Variants in STPG4 observed in about 807,000 individuals in gnomAD.
STPG4 encodes protein STPG4.
In STPG4, 41 loss-of-function variants were observed where a neutral mutation model predicts 31.5. The observed-to-expected ratio is 1.30, with a 90% CI of 1.01 to 1.69. STPG4 has a LOEUF of 1.69. Ranked by LOEUF, STPG4 falls within the 40% of genes most tolerant of loss-of-function variation. STPG4 has a pLI of 0.00. For missense variants in STPG4, 375 were observed against 293.4 expected (o/e 1.28, Z -2.03); for synonymous variants, 141 against 103.0 (o/e 1.37, Z -2.24).
At chr2:47,139,746 A>G (rs1686667357) in intron 3 of STPG4, among the ~76,000 whole-genome samples, 1 of 152,088 alleles carries the variant, frequency 6.6e-6, no homozygotes, top group South Asian at 2.1e-4. Context: ...TGCTCTGACA[A>G]TTTTGATTAA....
chr2:47,090,697 G>C (rs1279163495), intron 5 of STPG4, among the ~76,000 whole-genome samples: 1 of 152,230 alleles, frequency 6.6e-6, no homozygotes, highest in East Asian at 1.9e-4. Flanking sequence ...CCTCACAGCA[G>C]CATGCATGCC....
intron 6 of STPG4, among the ~76,000 whole-genome samples, chr2:47,088,713 A>G (rs1685509479): frequency 6.6e-6 from 1 of 152,216 alleles, no homozygotes. Flanking sequence ...CAGAGCAGTC[A>G]GTCCAGAGCA....
In STPG4 at chr2:47,139,978, G is replaced by C. The variant is rs111618214; in HGVS notation, c.400-9718C>G. On this transcript the variant is annotated intron_variant, in intron 3 of 6. Transcript: ENST00000445927. ...TTTAGTAGAGATGGGGTTTCATTCT[G>C]TTGGCCAGGCTGGTCTCAAACTCCT... is the stretch of plus-strand genomic sequence containing the variant. 1.8e-3 allele frequency among the ~76,000 whole-genome samples: 273 copies of C among 152,164 alleles called. 3 individuals carry two copies. Among genetic ancestry groups the C allele is most frequent in the African/African-American group, 6.0e-3 (249 of 41,520 alleles).
intron 5 of STPG4, among the ~76,000 whole-genome samples, chr2:47,093,788 C>A (rs1241448916): frequency 1.3e-5 from 2 of 152,226 alleles, no homozygotes; most frequent in South Asian, 4.1e-4. Flanking sequence ...CAGATGGGAT[C>A]TTTAAGAGGG....
chr2:47,146,422 C>A (rs1686821349), intron 3 of STPG4, among the ~76,000 whole-genome samples: 1 of 152,018 alleles, frequency 6.6e-6, no homozygotes, highest in Non-Finnish European at 1.5e-5. Context: ...ATTAGACATA[C>A]AGATGTATAA....
intron 3 of STPG4, among the ~76,000 whole-genome samples, chr2:47,147,570 G>A (rs1394373133): frequency 6.6e-6 from 1 of 152,190 alleles, no homozygotes; most frequent in Admixed American, 6.5e-5. Flanking sequence ...TCTAAGGAGT[G>A]AGTGGCTGAG....
intron 3 of STPG4, among the ~76,000 whole-genome samples, chr2:47,147,976 G>A (rs1693888): frequency 0.29 from 42,151 of 145,270 alleles, 6,216 homozygotes; most frequent in South Asian, 0.32. Context: ...TTTTGAGACC[G>A]GGTCTTGCTC....
chr2:47,126,323 C>T lies in STPG4; in HGVS notation c.519+3618G>A, dbSNP rs534700205. Among the ~76,000 whole-genome samples, 4 of 151,558 alleles carry T rather than the reference C, an allele frequency of 2.6e-5. No individual in the cohort carries two copies. The East Asian group carries it at 7.8e-4, about 29-fold the overall frequency. On this transcript the variant is annotated intron_variant, in intron 5 of 6. Coordinates refer to ENST00000445927, the MANE Select transcript of STPG4 (RefSeq NM_001163561.2). ...TTCTTCTTTCTTCTTTCTTCTTTCT[C>T]TCCTTCTCCTTCTTCTTCTTCAGAC...
chr2:47,095,126 G>A lies in STPG4; in HGVS notation c.520-4752C>T, dbSNP rs569488402. On this transcript the variant is annotated intron_variant, in intron 5 of 6. Transcript: ENST00000445927. Reference sequence around the variant, plus strand: ...ATCATAAGTCCTGTGAATTTCCATTGTGTTGACATGGCTTCCATGCTGAAT... The same window carrying A: ...ATCATAAGTCCTGTGAATTTCCATTATGTTGACATGGCTTCCATGCTGAAT... Among the ~76,000 whole-genome samples the A allele has an allele frequency of 8.8e-4, 134 of 152,322 alleles. 1 individual carries two copies. The highest frequency in any genetic ancestry group is 3.2e-3 in the African/African-American group (133 of 41,566).
At chr2:47,101,266 G>A (rs1243024472) in intron 5 of STPG4, among the ~76,000 whole-genome samples, 2 of 151,736 alleles carry the variant, frequency 1.3e-5, no homozygotes, top group African/African-American at 2.4e-5. Flanking sequence ...TCAGAGTTGG[G>A]ATCATTGGTT....
At chr2:47,133,505 T>C (rs1380981386) in intron 3 of STPG4, among the ~76,000 whole-genome samples, 1 of 150,024 alleles carries the variant, frequency 6.7e-6, no homozygotes, top group Non-Finnish European at 1.5e-5. Flanking sequence ...CTAGGCAAGA[T>C]GCCAGTAAAA....
intron 5 of STPG4, among the ~76,000 whole-genome samples, chr2:47,103,401 C>G (rs948081634): frequency 2.0e-5 from 3 of 151,812 alleles, no homozygotes; most frequent in Non-Finnish European, 2.9e-5. Flanking sequence ...CAAAAGCAAG[C>G]CCTGGGCCCT....
chr2:47,150,649 AT>A (rs58432759), intron 3 of STPG4, among the ~76,000 whole-genome samples: 101,755 of 143,958 alleles, frequency 0.71, 36,530 homozygotes, highest in East Asian at 0.84. Context: ...CCAAGTAGCT[AT>A]TTTTTTTTTT....
At chr2:47,100,716 C>T (rs549267526) in intron 5 of STPG4, among the ~76,000 whole-genome samples, 12 of 151,640 alleles carry the variant, frequency 7.9e-5, no homozygotes, top group South Asian at 4.2e-4. Context: ...CTGAGGCCAG[C>T]GAGACCATGA....
intron 5 of STPG4, among the ~76,000 whole-genome samples, chr2:47,100,507 G>T (rs1685771662): frequency 6.7e-6 from 1 of 148,812 alleles, no homozygotes; most frequent in Admixed American, 6.7e-5. Context: ...CTACCAATCA[G>T]CAGGATGTGG....
intron 6 of STPG4, 101 bp from the exon 7 acceptor site, chr2:47,087,231 C>T (rs1558666373): frequency 7.2e-7 from 1 of 1,389,672 alleles, no homozygotes. Context: ...ACAAATTCCC[C>T]AAGGATGAAG....
At chr2:47,108,878 CCTGCTAAATGGG>C (rs1685978826) in intron 5 of STPG4, 2 of 152,282 alleles carry the variant, frequency 1.3e-5, no homozygotes, top group South Asian at 4.1e-4. Flanking sequence ...TTTCACATTC[CCTGCTAAATGGG>C]CAGGGTGCGG....
intron 3 of STPG4, among the ~76,000 whole-genome samples, chr2:47,142,657 G>A (rs1189201978): frequency 1.3e-5 from 2 of 151,944 alleles, no homozygotes; most frequent in Admixed American, 6.6e-5. Flanking sequence ...ACCACTGTTG[G>A]TGATTATGAA....
chr2:47,135,816 G>A (rs1461999784), intron 3 of STPG4, among the ~76,000 whole-genome samples: 1 of 152,102 alleles, frequency 6.6e-6, no homozygotes, highest in Non-Finnish European at 1.5e-5. Context: ...GTCTATTTCT[G>A]TATTCTCTAT....
Sources: allele counts gnomAD v4.1 joint callset (sites outside exome capture counted in the v4.1 genomes callset), GRCh38; gene constraint gnomAD v4.1.1; transcripts MANE v1.5; gene names NCBI Gene and HGNC (gene_info 2026-07-23, HGNC 2026-07-21).